KCNK2: variants seen among roughly 807,000 people sequenced by gnomAD.
KCNK2 encodes the protein potassium channel subfamily K member 2.
Under a neutral mutation model 40.5 loss-of-function variants are expected in KCNK2, and 21 were observed. The observed-to-expected ratio is 0.52, with a 90% confidence interval of 0.37 to 0.75. The LOEUF (loss-of-function observed/expected upper bound fraction) is 0.75. KCNK2 is among the 30% of genes least tolerant of loss of function. KCNK2 has a pLI of 0.00. For synonymous variants in KCNK2, 191 were observed against 202.2 expected (o/e 0.94, Z 0.47); for missense variants, 399 against 531.6 (o/e 0.75, Z 2.45).
In KCNK2 at chr1:215,234,130, G is replaced by A. The variant is rs547407376; in HGVS notation, c.964-698G>A. On this transcript the variant is annotated intron_variant, in intron 6 of 6. Transcript: ENST00000444842. Reference sequence around the variant, plus strand: ...TTCACGGATTCCACAAACACTTTTTGAGAAACTGTGCCTTGGGTTTAACTG... The same window carrying A: ...TTCACGGATTCCACAAACACTTTTTAAGAAACTGTGCCTTGGGTTTAACTG... 4.0e-4 allele frequency among the ~76,000 whole-genome samples: 61 copies of A among 152,318 alleles called. 2 individuals carry two copies. The South Asian group carries it at 0.01, about 25-fold the overall frequency.
chr1:215,141,851 G>A lies in KCNK2; in HGVS notation c.475+17101G>A, dbSNP rs185748753. On this transcript the variant is annotated intron_variant, in intron 3 of 6. Coordinates refer to ENST00000444842, the MANE Select transcript of KCNK2 (RefSeq NM_001017425.3). ...ATCCTGCACTTATTCCAGTTAATTC[G>A]TTGTTTTTAGAGAAAGTTTTCTATT... Among the ~76,000 whole-genome samples the A allele has an allele frequency of 9.1e-4, 139 of 151,972 alleles. 1 individual carries two copies. The highest frequency in any genetic ancestry group is 1.6e-3 in the Admixed American group (24 of 15,256).
chr1:215,014,430 C>T (rs538686837), intron 1 of KCNK2, among the ~76,000 whole-genome samples: 1 of 151,448 alleles, frequency 6.6e-6, no homozygotes, highest in South Asian at 2.1e-4. Context: ...TCAAAAATGT[C>T]AAAAATTCTC....
At chr1:215,209,995 A>AATATATATT (rs1364612214) in intron 6 of KCNK2, among the ~76,000 whole-genome samples, 56 of 3,342 alleles carry the variant, frequency 0.017, no homozygotes, top group Non-Finnish European at 0.05. Flanking sequence ...TATAATATAT[A>AATATATATT]ATATATATTA....
chr1:215,116,250 C>T (rs897203642), intron 2 of KCNK2, among the ~76,000 whole-genome samples: 2 of 152,066 alleles, frequency 1.3e-5, no homozygotes, highest in Admixed American at 6.6e-5. Context: ...AAAGAGTTTT[C>T]AGCAGATTTA....
chr1:215,024,961 TTTTTA>T (rs67829985), intron 1 of KCNK2, among the ~76,000 whole-genome samples: 55,627 of 129,984 alleles, frequency 0.43, 13,203 homozygotes, highest in Non-Finnish European at 0.57. Context: ...TTTTTTTTTT[TTTTTA>T]ACTGAGATAA....
Position 215,207,630 on chromosome 1 carries a change from A to G in KCNK2, c.963+12538A>G, listed in dbSNP as rs1383105437. ...AAATAAATAAACAAATACGCTCACC[A>G]AAGTAGTCACTTTCATAATGAAGGA... On this transcript the variant is annotated intron_variant, in intron 6 of 6. Transcript: ENST00000444842. Among the ~76,000 whole-genome samples, 4 of 152,228 alleles carry G rather than the reference A, an allele frequency of 2.6e-5. No individual in the cohort carries two copies. In the East Asian group the frequency reaches 7.7e-4, roughly 29 times the overall value.
At chr1:215,011,172 G>C (rs1477477776) in intron 1 of KCNK2, among the ~76,000 whole-genome samples, 3 of 151,960 alleles carry the variant, frequency 2.0e-5, no homozygotes, top group African/African-American at 7.3e-5. Context: ...CTTCCCGTTT[G>C]TGGTCAAAAC....
At chr1:215,126,123 CAA>C (rs1308903814) in intron 3 of KCNK2, among the ~76,000 whole-genome samples, 1 of 152,028 alleles carries the variant, frequency 6.6e-6, no homozygotes, top group Non-Finnish European at 1.5e-5. Context: ...TAGATTATAT[CAA>C]AGTACTAAAT....
chr1:215,017,213 A>G (rs1656623288), intron 1 of KCNK2, among the ~76,000 whole-genome samples: 1 of 152,152 alleles, frequency 6.6e-6, no homozygotes, highest in African/African-American at 2.4e-5. Context: ...TAGAGCTATC[A>G]TATGATCCAG....
At chr1:215,181,597 C>A (rs111477004) in intron 5 of KCNK2, among the ~76,000 whole-genome samples, 2 of 152,024 alleles carry the variant, frequency 1.3e-5, no homozygotes, top group African/African-American at 4.8e-5. Flanking sequence ...GCTTTTTACA[C>A]GGGGTGTGAC....
intron 3 of KCNK2, among the ~76,000 whole-genome samples, chr1:215,164,559 A>G (rs1415739524): frequency 1.3e-5 from 2 of 152,166 alleles, no homozygotes. Context: ...ATTTAGTGCT[A>G]TAAATTTCCC....
intron 6 of KCNK2, among the ~76,000 whole-genome samples, chr1:215,215,616 C>T (rs529512748): frequency 1.3e-5 from 2 of 152,180 alleles, no homozygotes; most frequent in East Asian, 3.9e-4. Flanking sequence ...AAAGGGTGGC[C>T]ATGTGTGTGT....
At chr1:215,046,889 A>G in intron 1 of KCNK2, among the ~76,000 whole-genome samples, 1 of 152,100 alleles carries the variant, frequency 6.6e-6, no homozygotes, top group East Asian at 1.9e-4. Flanking sequence ...CTTGTTGTAA[A>G]AAGAGAAACT....
intron 3 of KCNK2, among the ~76,000 whole-genome samples, chr1:215,153,677 T>TGTGCCATGGTGGTTTGG (rs1662787080): frequency 2.0e-5 from 3 of 152,080 alleles, no homozygotes; most frequent in African/African-American, 7.2e-5. Flanking sequence ...TGCAGGTTCG[T>TGTGCCATGGTGGTTTGG]TACATAGGTA....
chr1:215,021,219 C>T (rs1488602055), intron 1 of KCNK2, among the ~76,000 whole-genome samples: 1 of 152,128 alleles, frequency 6.6e-6, no homozygotes, highest in Non-Finnish European at 1.5e-5. Context: ...TTTTATTTTC[C>T]TATAAGTGAA....
At chr1:215,007,757 G>A (rs1010226621) in intron 1 of KCNK2, among the ~76,000 whole-genome samples, 8 of 152,054 alleles carry the variant, frequency 5.3e-5, no homozygotes, top group East Asian at 1.9e-4. Context: ...TTATCATTAA[G>A]GTAAACTACT....
At chr1:215,058,624 G>T (rs1208133771) in intron 1 of KCNK2, among the ~76,000 whole-genome samples, 2 of 152,010 alleles carry the variant, frequency 1.3e-5, no homozygotes, top group Admixed American at 6.6e-5. Flanking sequence ...TTAAACCTTT[G>T]CAGTGGCTTC....
intron 1 of KCNK2, among the ~76,000 whole-genome samples, chr1:215,039,979 A>G (rs182382101): frequency 7.8e-4 from 119 of 152,240 alleles, no homozygotes; most frequent in African/African-American, 2.7e-3. Flanking sequence ...TTTGCAGAAC[A>G]TTATGGAATG....
At chr1:215,131,128 G>A (rs1661657199) in intron 3 of KCNK2, among the ~76,000 whole-genome samples, 1 of 151,392 alleles carries the variant, frequency 6.6e-6, no homozygotes, top group Non-Finnish European at 1.5e-5. Flanking sequence ...CCAAAGTGCT[G>A]GGATTACAGG....
Sources: gnomAD v4.1 joint callset for allele counts (sites outside exome capture counted in the v4.1 genomes callset) on GRCh38, gnomAD v4.1.1 for gene constraint, MANE v1.5 for transcripts, NCBI Gene and HGNC (gene_info 2026-07-23, HGNC 2026-07-21) for gene names.